The following TGFBRAP1 variants were observed in gnomAD, a reference collection of about 807,000 sequenced individuals.
TGFBRAP1 encodes the protein transforming growth factor beta receptor associated protein 1, also known as transforming growth factor-beta receptor-associated protein 1.
In TGFBRAP1, 20 loss-of-function variants were observed where a neutral mutation model predicts 83.2. The observed-to-expected ratio is 0.24, with a 90% CI of 0.17 to 0.35. The LOEUF (loss-of-function observed/expected upper bound fraction) is 0.35. Ranked by LOEUF, TGFBRAP1 falls within the 10% of genes least tolerant of loss-of-function variation. The pLI is 1.00. For missense variants in TGFBRAP1, 950 were observed against 1,099.4 expected (o/e 0.86, Z 1.92); for synonymous variants, 415 against 459.8 (o/e 0.90, Z 1.25).
intron 4 of TGFBRAP1, among the ~76,000 whole-genome samples, chr2:105,294,942 G>A (rs1006580635): frequency 1.3e-5 from 2 of 152,302 alleles, no homozygotes; most frequent in Admixed American, 1.3e-4. Context: ...TCCACCGAGA[G>A]CAGCTTGCAG....
intron 11 of TGFBRAP1, 111 bp from the exon 12 acceptor site, chr2:105,267,670 G>C (rs957039582): frequency 5.9e-5 from 89 of 1,507,074 alleles, no homozygotes; most frequent in East Asian, 1.6e-4. Context: ...TTATTATTAT[G>C]ATGAGGATTT....
At chr2:105,287,138 A>G (rs1296267400) in intron 4 of TGFBRAP1, among the ~76,000 whole-genome samples, 2 of 149,684 alleles carry the variant, frequency 1.3e-5, no homozygotes, top group African/African-American at 4.9e-5. Flanking sequence ...CGAGGTCCCT[A>G]GTGCAGTCAG....
At chr2:105,249,556 A>C in the TGFBRAP1 span, 2 of 152,230 alleles carry the variant, frequency 1.3e-5, no homozygotes, top group Non-Finnish European at 2.9e-5. Flanking sequence ...GTAAGGAAAA[A>C]AAGGCACCAC....
At chr2:105,316,170 GA>G (rs1678846627) in intron 1 of TGFBRAP1, among the ~76,000 whole-genome samples, 1 of 152,142 alleles carries the variant, frequency 6.6e-6, no homozygotes, top group South Asian at 2.1e-4. Flanking sequence ...GTTTACTTTG[GA>G]AGGAACTAGA....
intron 4 of TGFBRAP1, among the ~76,000 whole-genome samples, chr2:105,285,133 C>T (rs1357223096): frequency 1.3e-5 from 2 of 152,244 alleles, no homozygotes; most frequent in Admixed American, 1.3e-4. Flanking sequence ...TGTTTCTTCA[C>T]TCTGTTCCTA....
chr2:105,321,675 G>A (rs1240290516), intron 1 of TGFBRAP1, among the ~76,000 whole-genome samples: 1 of 152,176 alleles, frequency 6.6e-6, no homozygotes, highest in Non-Finnish European at 1.5e-5. Flanking sequence ...ATTAACAACA[G>A]ACAGCATCTA....
At position 105,267,266 on chromosome 2, in the gene TGFBRAP1, G is replaced by GCA. The variant is rs1360647979; in HGVS notation, c.*115_*116dup. 2 of 1,368,098 alleles carry GCA rather than the reference G, an allele frequency of 1.5e-6. No homozygotes were observed. The highest frequency in any genetic ancestry group is 4.9e-5 in the East Asian group (2 of 41,104). The allele number at this position is 1,368,098 out of a possible 1,614,324, so 84.7% of individuals were successfully genotyped here. ...TTGCGTATGGACGGAAGGCTCCCTG[G>GCA]CACCCAGATGTCTCCCTTCGTCCTG... is the stretch of plus-strand genomic sequence containing the variant. On this transcript the variant is annotated 3_prime_UTR_variant, in exon 12 of 12. Coordinates refer to ENST00000393359, the MANE Select transcript of TGFBRAP1 (RefSeq NM_004257.6).
chr2:105,308,915 C>G (rs1184776346), intron 1 of TGFBRAP1, among the ~76,000 whole-genome samples: 2 of 152,216 alleles, frequency 1.3e-5, no homozygotes, highest in Non-Finnish European at 2.9e-5. Flanking sequence ...AGACGCCAGG[C>G]CTTGGATTCC....
chr2:105,323,846 G>A (rs1258117733), intron 1 of TGFBRAP1, among the ~76,000 whole-genome samples: 1 of 152,182 alleles, frequency 6.6e-6, no homozygotes, highest in Non-Finnish European at 1.5e-5. Flanking sequence ...TTGAGATACT[G>A]ATGTGGTTTT....
intron 2 of TGFBRAP1, among the ~76,000 whole-genome samples, chr2:105,307,131 C>T (rs985568576): frequency 6.6e-6 from 1 of 152,176 alleles, no homozygotes; most frequent in African/African-American, 2.4e-5. Context: ...GTGGGAACTT[C>T]AAGAAAAACT....
chr2:105,292,287 A>C (rs929983879), intron 4 of TGFBRAP1, among the ~76,000 whole-genome samples: 2 of 152,208 alleles, frequency 1.3e-5, no homozygotes, highest in African/African-American at 4.8e-5. Context: ...AATAGGGAAG[A>C]ATGAGAGATT....
intron 3 of TGFBRAP1, among the ~76,000 whole-genome samples, chr2:105,297,709 T>C (rs546070560): frequency 6.6e-6 from 1 of 152,334 alleles, no homozygotes; most frequent in African/African-American, 2.4e-5. Flanking sequence ...TGTAAATTAA[T>C]GTGAATTTTT....
the TGFBRAP1 span, among the ~76,000 whole-genome samples, chr2:105,251,798 A>G: frequency 6.6e-6 from 1 of 150,408 alleles, no homozygotes; most frequent in Non-Finnish European, 1.5e-5. Flanking sequence ...GTTCGGTACT[A>G]AGAAAAATTC....
chr2:105,316,992 C>T (rs1678906272), intron 1 of TGFBRAP1, among the ~76,000 whole-genome samples: 1 of 151,916 alleles, frequency 6.6e-6, no homozygotes, highest in African/African-American at 2.4e-5. Context: ...AGAAACAGGC[C>T]ATGCATATGT....
chr2:105,295,673 TG>T (rs1678061297), intron 4 of TGFBRAP1, among the ~76,000 whole-genome samples: 1 of 151,774 alleles, frequency 6.6e-6, no homozygotes, highest in African/African-American at 2.4e-5. Context: ...TTGCTGGGTG[TG>T]GTGGCGGGCG....
chr2:105,306,336 A>G (rs1482163525), intron 2 of TGFBRAP1, among the ~76,000 whole-genome samples: 1 of 152,032 alleles, frequency 6.6e-6, no homozygotes, highest in Non-Finnish European at 1.5e-5. Flanking sequence ...TGCTGGGATT[A>G]TAGGCGTGAG....
intron 4 of TGFBRAP1, among the ~76,000 whole-genome samples, chr2:105,292,665 A>G (rs145722150): frequency 6.8e-6 from 1 of 146,794 alleles, no homozygotes; most frequent in Non-Finnish European, 1.5e-5. Context: ...AGAAGGAGGG[A>G]GAGAGAGAGA....
At chr2:105,272,746 C>A in intron 10 of TGFBRAP1, 109 bp downstream of exon 10, 1 of 1,384,380 alleles carries the variant, frequency 7.2e-7, no homozygotes, top group Admixed American at 2.3e-5. Flanking sequence ...CTCAAAGAAT[C>A]ACCCTGTGCA....
Position 105,298,633 on chromosome 2 carries a change from G to T in TGFBRAP1, c.761C>A (p.Ala254Asp). ...CGCTATGACGTATGGAAAGGACACA[G>T]CCGCCCCAATCACATTCTCCGACCA... is the stretch of plus-strand genomic sequence containing the variant. ...VHWSENVIGA[A>D]VSFPYVIALD... The change falls in exon 3 of 12, where the codon GCT (alanine) becomes GAT (aspartate). Residue 254 changes from alanine (A) to aspartate (D), a missense_variant. Transcript: ENST00000393359. 6.2e-7 allele frequency: 1 copy of T among 1,614,000 alleles called. No homozygotes were observed. The highest frequency in any genetic ancestry group is 1.3e-5 in the African/African-American group (1 of 75,040).
Sources: allele counts gnomAD v4.1 joint callset (sites outside exome capture counted in the v4.1 genomes callset), GRCh38; gene constraint gnomAD v4.1.1; transcripts MANE v1.5; gene names NCBI Gene and HGNC (gene_info 2026-07-23, HGNC 2026-07-21).